CYP2B6: variants seen among roughly 807,000 people sequenced by gnomAD.
The protein encoded by CYP2B6 is cytochrome P450 family 2 subfamily B member 6.
In CYP2B6, 35 loss-of-function variants were observed where a neutral mutation model predicts 43.4. The observed-to-expected ratio is 0.81, with a 90% CI of 0.62 to 1.07. CYP2B6 has a LOEUF of 1.07. Among genes scored for constraint, CYP2B6 ranks in the 50% least tolerant of loss-of-function variants. The pLI is 0.00. For missense variants in CYP2B6, 624 were observed against 632.8 expected, an observed-to-expected ratio of 0.99 and a Z score of 0.15; for synonymous variants, 239 against 239.2, an observed-to-expected ratio of 1.00 and a Z score of 0.01.
At chr19:40,994,798 T>C (rs939164924) in intron 1 of CYP2B6, among the ~76,000 whole-genome samples, 1 of 152,176 alleles carries the variant, frequency 6.6e-6, no homozygotes, top group African/African-American at 2.4e-5. Flanking sequence ...GTTAATAGTA[T>C]GTTATTACGT....
At chr19:41,012,226 A>T in intron 6 of CYP2B6, 72 bp from the exon 7 acceptor site, 1 of 1,462,596 alleles carries the variant, frequency 6.8e-7, no homozygotes, top group Non-Finnish European at 9.5e-7. Context: ...CTGGGATTAC[A>T]GGCATGAGCC....
chr19:40,994,932 T>C (rs985163065), intron 1 of CYP2B6, among the ~76,000 whole-genome samples: 10 of 152,136 alleles, frequency 6.6e-5, no homozygotes, highest in Admixed American at 3.9e-4. Flanking sequence ...CCTTTGGGGT[T>C]TCTGGGTGAT....
intron 1 of CYP2B6, among the ~76,000 whole-genome samples, chr19:41,000,501 C>G (rs1969067654): frequency 6.6e-6 from 1 of 152,180 alleles, no homozygotes; most frequent in Non-Finnish European, 1.5e-5. Flanking sequence ...TAGGGGGTGG[C>G]AGATCTGGGG....
intron 4 of CYP2B6, 104 bp downstream of exon 4, chr19:41,007,169 C>T (rs1414895967): frequency 8.4e-7 from 1 of 1,187,802 alleles, no homozygotes; most frequent in African/African-American, 1.5e-5. Flanking sequence ...GCAGCTTATC[C>T]TTGGAAGAAA....
chr19:41,003,399 TATC>T (rs1361750225), intron 1 of CYP2B6, among the ~76,000 whole-genome samples: 1 of 152,108 alleles, frequency 6.6e-6, no homozygotes, highest in African/African-American at 2.4e-5. Context: ...TGGTGAGAGA[TATC>T]ATCATCCTAC....
Position 41,017,874 on chromosome 19 carries a change from A to G in CYP2B6, c.*1047A>G, listed in dbSNP as rs1194941278. On this transcript the variant is annotated 3_prime_UTR_variant, in exon 9 of 9. Transcript: ENST00000324071. ...TATTTGATTTTTTTTTTTTTTTTGA[A>G]ACTAAGCCTTGCTCTGTCTCCCAGG... 6.7e-6 allele frequency: 1 copy of G among 148,818 alleles called. No homozygotes were observed. Among genetic ancestry groups the G allele is most frequent in the Non-Finnish European group, 1.5e-5 (1 of 67,212 alleles). 9.2% of individuals were successfully genotyped at this position (148,818 alleles called of 1,614,324 possible).
chr19:41,016,562 A>T, intron 8 of CYP2B6, 84 bp from the exon 9 acceptor site: 1 of 1,461,366 alleles, frequency 6.8e-7, no homozygotes. Flanking sequence ...TGCAGTGGAC[A>T]TTTGTGTCTG....
chr19:41,016,518 T>G, intron 8 of CYP2B6, 128 bp from the exon 9 acceptor site: 1 of 899,156 alleles, frequency 1.1e-6, no homozygotes. Flanking sequence ...CCACCCTGAA[T>G]TGTAGGTTAA....
intron 1 of CYP2B6, among the ~76,000 whole-genome samples, chr19:41,002,782 C>T (rs1253833697): frequency 2.6e-5 from 4 of 152,004 alleles, no homozygotes; most frequent in East Asian, 1.9e-4. Flanking sequence ...CTCCTGACCT[C>T]GTGATCAGCC....
rs1411727023 is a variant in CYP2B6, at chr19:41,018,099, G to C, written c.*1272G>C. On this transcript the variant is annotated 3_prime_UTR_variant, in exon 9 of 9. Coordinates refer to ENST00000324071, the MANE Select transcript of CYP2B6 (RefSeq NM_000767.5). ...CCTCAGGTGATCCACCCACCTCAGT[G>C]TTCCAAAGTGCTGATATTACAGGCA... 1 of 152,136 alleles carries C rather than the reference G, an allele frequency of 6.6e-6. No individual in the cohort carries two copies. The highest frequency in any genetic ancestry group is 1.5e-5 in the Non-Finnish European group (1 of 68,022). The allele number at this position is 152,136 out of a possible 1,614,324, so 9.4% of individuals were successfully genotyped here.
chr19:40,993,471 G>A (rs1042311538), intron 1 of CYP2B6, among the ~76,000 whole-genome samples: 1 of 152,156 alleles, frequency 6.6e-6, no homozygotes, highest in Admixed American at 6.5e-5. Flanking sequence ...AGGAAAAAGA[G>A]AGAGAGCCAA....
chr19:40,998,611 T>C (rs201798198), intron 1 of CYP2B6, among the ~76,000 whole-genome samples: 37,073 of 132,400 alleles, frequency 0.28, 5,726 homozygotes, highest in African/African-American at 0.39. Context: ...GTGTGATGTT[T>C]CCCTTCCTGT....
chr19:40,999,609 G>A (rs1348015397), intron 1 of CYP2B6, among the ~76,000 whole-genome samples: 2 of 152,098 alleles, frequency 1.3e-5, no homozygotes, highest in Non-Finnish European at 2.9e-5. Flanking sequence ...ACTAAAATGA[G>A]TTTTCAAAAG....
intron 1 of CYP2B6, among the ~76,000 whole-genome samples, chr19:41,003,240 C>T (rs1217746798): frequency 2.0e-5 from 3 of 152,042 alleles, no homozygotes; most frequent in African/African-American, 7.3e-5. Context: ...TCTGAGACCC[C>T]CAGTGGATGC....
chr19:41,007,245 G>A, intron 4 of CYP2B6, 180 bp downstream of exon 4: 1 of 628,814 alleles, frequency 1.6e-6, no homozygotes, highest in East Asian at 2.7e-5. Flanking sequence ...GACAGGGATA[G>A]AGACACTGAG....
Position 41,012,483 on chromosome 19 carries a change from A to G in CYP2B6, c.1150A>G (p.Lys384Glu). ...CAGCTTCCGAGGGTACATCATCCCC[A>G]AGGTAAGACCGGCTGGAACCCCATA... is the stretch of plus-strand genomic sequence containing the variant. ...HTSFRGYIIP[K>E]DTEVFLILST... Residue 384 changes from lysine (K) to glutamate (E), a missense_variant and splice_region_variant, in exon 7 of 9, where the codon AAG (lysine) becomes GAG (glutamate). By Grantham distance (56) the Lys-to-Glu change is moderately conservative. Transcript: ENST00000324071. 6.2e-7 allele frequency: 1 copy of G among 1,614,086 alleles called. No homozygotes were observed. The highest frequency in any genetic ancestry group is 8.5e-7 in the Non-Finnish European group (1 of 1,179,962).
Position 41,005,219 on chromosome 19 carries a change from C to T in CYP2B6, c.484+773C>T, listed in dbSNP as rs563043188. On this transcript the variant is annotated intron_variant, in intron 3 of 8. Transcript: ENST00000324071. ...AGCTGGAGGGGTCATCAAAGAATCACTAGGTTATTTTTGAGTTCTCCATAA... is the reference window on the plus strand; with the variant it reads ...AGCTGGAGGGGTCATCAAAGAATCATTAGGTTATTTTTGAGTTCTCCATAA... Among the ~76,000 whole-genome samples, 6 of 152,192 alleles carry T rather than the reference C, an allele frequency of 3.9e-5. No individual in the cohort carries two copies. In the South Asian group the frequency reaches 1.0e-3, roughly 26 times the overall value.
chr19:40,991,717 G>A (rs935618849), intron 1 of CYP2B6, among the ~76,000 whole-genome samples: 10 of 152,090 alleles, frequency 6.6e-5, no homozygotes, highest in Admixed American at 2.0e-4. Flanking sequence ...CCCTAAACCA[G>A]GAAAGACACC....
At chr19:41,014,488 G>T (rs1031368820) in intron 8 of CYP2B6, among the ~76,000 whole-genome samples, 4 of 151,850 alleles carry the variant, frequency 2.6e-5, no homozygotes, top group African/African-American at 9.7e-5. Flanking sequence ...TTTATTTTTA[G>T]TAGAGACTGG....
Sources: gnomAD v4.1 joint callset for allele counts (sites outside exome capture counted in the v4.1 genomes callset) on GRCh38, gnomAD v4.1.1 for gene constraint, MANE v1.5 for transcripts, NCBI Gene and HGNC (gene_info 2026-07-23, HGNC 2026-07-21) for gene names.